Variants in AKAP19 observed in about 807,000 individuals in gnomAD.
The protein encoded by AKAP19 is small A-kinase anchoring protein.
chr2:189,919,964 T>C, the AKAP19 span, among the ~76,000 whole-genome samples: 2 of 152,182 alleles, frequency 1.3e-5, no homozygotes, highest in South Asian at 4.1e-4. Context: ...ACACAAACAT[T>C]CTGAGTTTTT....
At chr2:190,127,371 G>A in the AKAP19 span, among the ~76,000 whole-genome samples, 3 of 151,266 alleles carry the variant, frequency 2.0e-5, no homozygotes, top group Non-Finnish European at 2.9e-5. Flanking sequence ...TCCTCCAACC[G>A]CACATCCCCA....
the AKAP19 span, chr2:189,879,703 G>T: frequency 1.3e-5 from 2 of 152,252 alleles, no homozygotes; most frequent in East Asian, 3.9e-4. Flanking sequence ...GGCCTGGGAG[G>T]CTTACCCGGA....
the AKAP19 span, among the ~76,000 whole-genome samples, chr2:190,189,223 A>T: frequency 6.6e-6 from 1 of 152,218 alleles, no homozygotes; most frequent in African/African-American, 2.4e-5. Context: ...GCAAGAATTA[A>T]CTTCAAAGAT....
chr2:190,113,748 A>T, the AKAP19 span, among the ~76,000 whole-genome samples: 1 of 152,180 alleles, frequency 6.6e-6, no homozygotes, highest in Admixed American at 6.5e-5. Context: ...TCCCTGGTGG[A>T]TGGAGTCCTA....
chr2:190,008,757 CA>C, the AKAP19 span, among the ~76,000 whole-genome samples: 3 of 116,492 alleles, frequency 2.6e-5, no homozygotes, highest in African/African-American at 7.8e-5. Context: ...CACACACACA[CA>C]CACACACACA....
At chr2:190,024,339 T>A in the AKAP19 span, among the ~76,000 whole-genome samples, 1 of 150,866 alleles carries the variant, frequency 6.6e-6, no homozygotes, top group East Asian at 1.9e-4. Context: ...TATATATATA[T>A]ATGTGTGTGT....
chr2:189,944,324 T>C, the AKAP19 span, among the ~76,000 whole-genome samples: 2 of 152,118 alleles, frequency 1.3e-5, no homozygotes, highest in African/African-American at 4.8e-5. Flanking sequence ...CTCTCTCTCT[T>C]GCTTCTGCTT....
chr2:189,985,125 C>T, the AKAP19 span, among the ~76,000 whole-genome samples: 3 of 152,188 alleles, frequency 2.0e-5, no homozygotes, highest in Non-Finnish European at 4.4e-5. Context: ...CCAATCCACC[C>T]TTTCTGTAGG....
the AKAP19 span, among the ~76,000 whole-genome samples, chr2:189,939,228 G>A: frequency 3.1e-4 from 47 of 152,322 alleles, 1 homozygote; most frequent in African/African-American, 1.0e-3. Context: ...GCACCATGCT[G>A]TAGGAGGTTT....
At chr2:189,891,011 A>C in the AKAP19 span, among the ~76,000 whole-genome samples, 1 of 152,052 alleles carries the variant, frequency 6.6e-6, no homozygotes, top group Non-Finnish European at 1.5e-5. Flanking sequence ...CATAGTGTCG[A>C]TGGTCTTTCA....
the AKAP19 span, among the ~76,000 whole-genome samples, chr2:189,941,297 G>T: frequency 6.6e-6 from 1 of 152,092 alleles, no homozygotes; most frequent in African/African-American, 2.4e-5. Context: ...AAAATCCACT[G>T]GTAAAATTAA....
chr2:189,940,822 C>T, the AKAP19 span, among the ~76,000 whole-genome samples: 31 of 151,964 alleles, frequency 2.0e-4, no homozygotes, highest in Admixed American at 5.9e-4. Context: ...ACCTGGGAGG[C>T]GGAGCTTGCA....
chr2:190,057,244 G>C, the AKAP19 span: 1 of 1,612,656 alleles, frequency 6.2e-7, no homozygotes, highest in East Asian at 2.2e-5. Flanking sequence ...AGTTATGAAC[G>C]CTTAATATAA....
chr2:190,015,076 A>T, the AKAP19 span, among the ~76,000 whole-genome samples: 1 of 152,030 alleles, frequency 6.6e-6, no homozygotes, highest in African/African-American at 2.4e-5. Context: ...CTGTCGGTTG[A>T]TCTGTCATCC....
At chr2:190,188,642 A>G in the AKAP19 span, among the ~76,000 whole-genome samples, 11 of 152,298 alleles carry the variant, frequency 7.2e-5, no homozygotes, top group East Asian at 2.1e-3. Context: ...AATTATACGA[A>G]GTTTGTTCTT....
chr2:189,924,952 T>G, the AKAP19 span, among the ~76,000 whole-genome samples: 3 of 152,150 alleles, frequency 2.0e-5, no homozygotes, highest in African/African-American at 7.2e-5. Flanking sequence ...CTGTTAACCA[T>G]GAGCTCAATG....
chr2:189,976,991 C>A, the AKAP19 span, among the ~76,000 whole-genome samples: 7 of 152,142 alleles, frequency 4.6e-5, no homozygotes, highest in Non-Finnish European at 7.4e-5. Context: ...GTCCTGCACC[C>A]ACTGTCCAAC....
At chr2:189,893,508 G>A in the AKAP19 span, among the ~76,000 whole-genome samples, 5 of 152,176 alleles carry the variant, frequency 3.3e-5, no homozygotes, top group African/African-American at 7.2e-5. Flanking sequence ...CGGGTGAGGC[G>A]ATGCCCTACT....
At chr2:190,010,577 A>G in the AKAP19 span, among the ~76,000 whole-genome samples, 5 of 152,324 alleles carry the variant, frequency 3.3e-5, no homozygotes, top group African/African-American at 4.8e-5. Flanking sequence ...TTTTTGTTCT[A>G]GATTCATCTA....
Sources: allele counts gnomAD v4.1 joint callset (sites outside exome capture counted in the v4.1 genomes callset), GRCh38; gene constraint gnomAD v4.1.1; transcripts MANE v1.5; gene names NCBI Gene and HGNC (gene_info 2026-07-23, HGNC 2026-07-21).